DOCK1: variants seen among roughly 807,000 people sequenced by gnomAD.
DOCK1 encodes dedicator of cytokinesis 1.
In DOCK1, 138 loss-of-function variants were observed where a neutral mutation model predicts 262.7. The ratio of observed to expected loss-of-function variants is 0.53; its 90% confidence interval spans 0.46 to 0.61. The LOEUF is 0.61. DOCK1 is among the 20% of genes least tolerant of loss of function. The pLI, the probability that DOCK1 is intolerant of heterozygous loss-of-function variation, is 0.00. For synonymous variants in DOCK1, 866 were observed against 867.4 expected (o/e 1.00, Z 0.03); for missense variants, 1,908 against 2,370.7 (o/e 0.80, Z 4.05).
intron 1 of DOCK1, among the ~76,000 whole-genome samples, chr10:126,938,291 G>T (rs985252341): frequency 4.6e-5 from 7 of 152,026 alleles, no homozygotes; most frequent in Non-Finnish European, 8.8e-5. Context: ...CAGGTGATCC[G>T]CCCGCCTCAG....
chr10:127,063,983 G>A (rs1260287623), intron 23 of DOCK1, among the ~76,000 whole-genome samples: 1 of 152,204 alleles, frequency 6.6e-6, no homozygotes, highest in Admixed American at 6.5e-5. Flanking sequence ...TTCACAATAG[G>A]TGCTTTCTCG....
At chr10:126,983,948 G>A (rs1440016056) in intron 4 of DOCK1, among the ~76,000 whole-genome samples, 1 of 152,158 alleles carries the variant, frequency 6.6e-6, no homozygotes. Context: ...TGCCTCTGGA[G>A]CTCCACTGCA....
chr10:127,282,113 T>A (rs2135286323), intron 29 of DOCK1, among the ~76,000 whole-genome samples: 1 of 152,318 alleles, frequency 6.6e-6, no homozygotes, highest in South Asian at 2.1e-4. Flanking sequence ...ATGTGACCTG[T>A]GGGTTGCGGG....
chr10:127,230,583 A>C (rs1368701842), intron 27 of DOCK1, among the ~76,000 whole-genome samples: 1 of 150,672 alleles, frequency 6.6e-6, no homozygotes, highest in Non-Finnish European at 1.5e-5. Flanking sequence ...AAGTGTGTGG[A>C]TTTATTTCCA....
intron 19 of DOCK1, among the ~76,000 whole-genome samples, chr10:127,039,087 A>G (rs2043848240): frequency 6.6e-6 from 1 of 152,220 alleles, no homozygotes; most frequent in South Asian, 2.1e-4. Context: ...TTAATTAACC[A>G]GCAGTGTGCT....
intron 38 of DOCK1, among the ~76,000 whole-genome samples, chr10:127,402,349 C>T (rs78944096): frequency 0.014 from 2,179 of 152,226 alleles, 47 homozygotes; most frequent in African/African-American, 0.049. Context: ...TCCAGTAATC[C>T]GCTTTGTTTT....
intron 25 of DOCK1, among the ~76,000 whole-genome samples, chr10:127,113,859 C>T (rs2049014673): frequency 6.6e-6 from 1 of 152,172 alleles, no homozygotes; most frequent in Admixed American, 6.5e-5. Context: ...AGATGATGGC[C>T]ACCCACACTC....
At chr10:127,196,237 AGCTCGCGTC>A (rs923640930) in intron 27 of DOCK1, 2 of 147,432 alleles carry the variant, frequency 1.4e-5, no homozygotes, top group African/African-American at 4.9e-5. Flanking sequence ...CCCGCGCCGC[AGCTCGCGTC>A]GCTCGCGTCC....
chr10:126,968,084 T>C (rs1158975621), intron 1 of DOCK1, among the ~76,000 whole-genome samples: 1 of 151,654 alleles, frequency 6.6e-6, no homozygotes, highest in Non-Finnish European at 1.5e-5. Flanking sequence ...CCAAAAGTAA[T>C]CCCCCCAAAG....
At chr10:127,182,272 T>G (rs2055808534) in intron 27 of DOCK1, among the ~76,000 whole-genome samples, 1 of 152,176 alleles carries the variant, frequency 6.6e-6, no homozygotes, top group African/African-American at 2.4e-5. Context: ...CCCCCACTCA[T>G]GCATATCTGC....
chr10:127,098,721 A>G (rs1021659469), intron 23 of DOCK1, among the ~76,000 whole-genome samples: 1 of 152,086 alleles, frequency 6.6e-6, no homozygotes, highest in Non-Finnish European at 1.5e-5. Context: ...ATGCATTCAT[A>G]GATTTTTATT....
chr10:126,989,433 G>T (rs1014838698), intron 5 of DOCK1, among the ~76,000 whole-genome samples: 1 of 152,054 alleles, frequency 6.6e-6, no homozygotes, highest in African/African-American at 2.4e-5. Flanking sequence ...CTCAAGCAAT[G>T]CTCCCACCTC....
chr10:127,249,436 C>T (rs55640525), intron 28 of DOCK1, among the ~76,000 whole-genome samples: 2,021 of 13,846 alleles, frequency 0.15, 33 homozygotes, highest in African/African-American at 0.26. Context: ...TATATATACA[C>T]ACACACACAC....
At chr10:127,412,138 ATTT>A in intron 43 of DOCK1, among the ~76,000 whole-genome samples, 1 of 151,318 alleles carries the variant, frequency 6.6e-6, no homozygotes, top group Non-Finnish European at 1.5e-5. Context: ...AATTTTTTGT[ATTT>A]TTAGTAGAGA....
At chr10:127,125,098 C>T (rs866786679) in intron 25 of DOCK1, among the ~76,000 whole-genome samples, 6 of 152,132 alleles carry the variant, frequency 3.9e-5, no homozygotes, top group Non-Finnish European at 7.4e-5. Flanking sequence ...GCCTGGGCGA[C>T]AGAGCAAGAC....
At chr10:127,315,644 C>T (rs2062243334) in intron 29 of DOCK1, among the ~76,000 whole-genome samples, 1 of 152,138 alleles carries the variant, frequency 6.6e-6, no homozygotes, top group Non-Finnish European at 1.5e-5. Flanking sequence ...GTCCTATTAC[C>T]AATCTTTGTT....
At chr10:127,430,356 G>T (rs1388102841) in intron 47 of DOCK1, among the ~76,000 whole-genome samples, 1 of 152,188 alleles carries the variant, frequency 6.6e-6, no homozygotes, top group Non-Finnish European at 1.5e-5. Flanking sequence ...TGTTGACTGG[G>T]AGGTGGAGCT....
intron 23 of DOCK1, among the ~76,000 whole-genome samples, chr10:127,101,261 A>C (rs751943692): frequency 4.6e-5 from 7 of 152,098 alleles, no homozygotes; most frequent in Non-Finnish European, 1.5e-5. Flanking sequence ...TGAGAAGAGC[A>C]AAGAAAGACT....
intron 30 of DOCK1, among the ~76,000 whole-genome samples, chr10:127,341,870 TGA>T (rs1163802543): frequency 6.6e-6 from 1 of 152,210 alleles, no homozygotes; most frequent in Non-Finnish European, 1.5e-5. Context: ...GGCTGCATTC[TGA>T]GAGTCACAGT....
Sources: allele counts gnomAD v4.1 joint callset (sites outside exome capture counted in the v4.1 genomes callset), GRCh38; gene constraint gnomAD v4.1.1; transcripts MANE v1.5; gene names NCBI Gene and HGNC (gene_info 2026-07-23, HGNC 2026-07-21).